NAALADL2: variants seen among roughly 807,000 people sequenced by gnomAD.
NAALADL2 encodes the protein N-acetylated alpha-linked acidic dipeptidase like 2, also known as inactive N-acetylated-alpha-linked acidic dipeptidase-like protein 2.
In NAALADL2, 76 loss-of-function variants were observed where a neutral mutation model predicts 87.2. That is an observed-to-expected ratio of 0.87 (90% CI 0.72 to 1.05). The LOEUF is 1.05. NAALADL2 is among the 50% of genes least tolerant of loss of function. The pLI is 0.00. For synonymous variants in NAALADL2, 354 were observed against 331.0 expected (o/e 1.07, Z -0.75); for missense variants, 1,089 against 945.8 (o/e 1.15, Z -1.99).
chr3:175,067,276 G>A (rs4602401), intron 1 of NAALADL2, among the ~76,000 whole-genome samples: 3,529 of 152,192 alleles, frequency 0.023, 138 homozygotes, highest in African/African-American at 0.081. Flanking sequence ...CTTTGGCACC[G>A]CAAAAGAAGC....
At chr3:175,264,623 G>A (rs1453926434) in intron 4 of NAALADL2, among the ~76,000 whole-genome samples, 1 of 151,124 alleles carries the variant, frequency 6.6e-6, no homozygotes, top group Non-Finnish European at 1.5e-5. Flanking sequence ...TTGTTTTTGT[G>A]GAATAAAACA....
intron 1 of NAALADL2, among the ~76,000 whole-genome samples, chr3:175,013,063 A>ATATATATAAATATGTAATACATATT (rs1560474629): frequency 0.037 from 1,323 of 35,778 alleles, 315 homozygotes; most frequent in Middle Eastern, 0.087. Flanking sequence ...ATATATACAC[A>ATATATATAAATATGTAATACATATT]TATATATAAA....
At chr3:174,655,477 T>C (rs1008668257) in intron 2 of NAALADL2, among the ~76,000 whole-genome samples, 1 of 151,926 alleles carries the variant, frequency 6.6e-6, no homozygotes, top group East Asian at 1.9e-4. Flanking sequence ...ATATGTATCC[T>C]CTCAAAGATG....
chr3:175,574,688 C>G (rs1387666149), intron 9 of NAALADL2, among the ~76,000 whole-genome samples: 3 of 152,110 alleles, frequency 2.0e-5, no homozygotes, highest in Non-Finnish European at 4.4e-5. Flanking sequence ...TTTTAAATTT[C>G]ATCGTCCCTG....
chr3:174,922,904 C>T (rs1317996329), intron 1 of NAALADL2, among the ~76,000 whole-genome samples: 5 of 152,084 alleles, frequency 3.3e-5, no homozygotes, highest in African/African-American at 1.2e-4. Context: ...TGGTATTAAC[C>T]TGATCACTTG....
At chr3:175,489,389 C>T (rs1274817105) in intron 9 of NAALADL2, among the ~76,000 whole-genome samples, 1 of 152,022 alleles carries the variant, frequency 6.6e-6, no homozygotes, top group African/African-American at 2.4e-5. Flanking sequence ...TAGAATGAAG[C>T]CTGTTCTCAT....
At chr3:174,927,521 G>A (rs1736248764) in intron 1 of NAALADL2, among the ~76,000 whole-genome samples, 1 of 152,134 alleles carries the variant, frequency 6.6e-6, no homozygotes, top group Non-Finnish European at 1.5e-5. Context: ...TCACATCACA[G>A]CACAATCAAA....
intron 2 of NAALADL2, among the ~76,000 whole-genome samples, chr3:174,731,678 A>G (rs906604027): frequency 6.6e-6 from 1 of 152,120 alleles, no homozygotes; most frequent in African/African-American, 2.4e-5. Flanking sequence ...GCCCTATCTC[A>G]AGAATTTCTG....
intron 6 of NAALADL2, among the ~76,000 whole-genome samples, chr3:175,458,876 C>T (rs1384377126): frequency 6.6e-6 from 1 of 152,132 alleles, no homozygotes; most frequent in Non-Finnish European, 1.5e-5. Flanking sequence ...GGCTCTAACA[C>T]TATATGCTAT....
intron 1 of NAALADL2, among the ~76,000 whole-genome samples, chr3:175,045,671 C>G (rs995335823): frequency 6.6e-6 from 1 of 152,102 alleles, no homozygotes; most frequent in Non-Finnish European, 1.5e-5. Context: ...GTTCTGTTGC[C>G]TCTGAGTCAC....
intron 2 of NAALADL2, among the ~76,000 whole-genome samples, chr3:174,728,511 C>G (rs1469403951): frequency 6.6e-6 from 1 of 152,052 alleles, no homozygotes; most frequent in Non-Finnish European, 1.5e-5. Flanking sequence ...AAGTAAGATG[C>G]ATCAGTACAC....
At chr3:174,873,471 T>A (rs1173392950) in intron 1 of NAALADL2, among the ~76,000 whole-genome samples, 2 of 151,986 alleles carry the variant, frequency 1.3e-5, no homozygotes, top group Non-Finnish European at 2.9e-5. Flanking sequence ...GCCGGGCTGG[T>A]CTTGAACTCC....
At chr3:175,036,845 C>CCAA (rs139936013) in intron 1 of NAALADL2, among the ~76,000 whole-genome samples, 6 of 145,020 alleles carry the variant, frequency 4.1e-5, no homozygotes, top group South Asian at 4.3e-4. Flanking sequence ...TACTTGCTAC[C>CCAA]CAACAACAAC....
At chr3:174,777,810 A>G (rs954303028) in intron 3 of NAALADL2, among the ~76,000 whole-genome samples, 2 of 152,112 alleles carry the variant, frequency 1.3e-5, no homozygotes, top group Non-Finnish European at 2.9e-5. Flanking sequence ...TCCTTTCCAC[A>G]TATACATGCA....
chr3:175,059,144 G>T (rs747802219), intron 1 of NAALADL2, among the ~76,000 whole-genome samples: 2 of 152,074 alleles, frequency 1.3e-5, no homozygotes, highest in Non-Finnish European at 2.9e-5. Context: ...TTTACCTGTT[G>T]CTGTGTGTAC....
chr3:175,781,667 A>AC (rs1225065623), intron 13 of NAALADL2, among the ~76,000 whole-genome samples: 4 of 151,898 alleles, frequency 2.6e-5, no homozygotes, highest in African/African-American at 7.3e-5. Flanking sequence ...AAAAAAAAAA[A>AC]AAAGTTTAAA....
intron 1 of NAALADL2, among the ~76,000 whole-genome samples, chr3:174,963,891 TGAA>T (rs1294713770): frequency 1.3e-5 from 2 of 152,102 alleles, no homozygotes; most frequent in African/African-American, 4.8e-5. Context: ...ATTATTTACA[TGAA>T]GAAAGAAGAT....
intron 5 of NAALADL2, among the ~76,000 whole-genome samples, chr3:175,335,982 T>G (rs1053120308): frequency 6.6e-6 from 1 of 152,152 alleles, no homozygotes; most frequent in Non-Finnish European, 1.5e-5. Flanking sequence ...TCCCTGACAC[T>G]GCTCATTGAG....
At chr3:174,934,929 C>T (rs1737459799) in intron 1 of NAALADL2, among the ~76,000 whole-genome samples, 1 of 151,118 alleles carries the variant, frequency 6.6e-6, no homozygotes, top group African/African-American at 2.4e-5. Context: ...AAAAGCTTCC[C>T]CACATAAAGT....
Sources: gnomAD v4.1 joint callset for allele counts (sites outside exome capture counted in the v4.1 genomes callset) on GRCh38, gnomAD v4.1.1 for gene constraint, MANE v1.5 for transcripts, NCBI Gene and HGNC (gene_info 2026-07-23, HGNC 2026-07-21) for gene names.